Variants in GALNT9 observed in about 807,000 individuals in gnomAD.
GALNT9 encodes the protein GalNAc transferase 9.
GALNT9 carries 47 observed loss-of-function variants against 63.1 expected under a neutral mutation model. The observed-to-expected ratio is 0.75, with a 90% CI of 0.59 to 0.95. GALNT9 has a LOEUF of 0.95. Among genes scored for constraint, GALNT9 ranks in the 40% least tolerant of loss-of-function variants. The pLI, the probability that GALNT9 is intolerant of heterozygous loss-of-function variation, is 0.00. For synonymous variants in GALNT9, 396 were observed against 365.7 expected (o/e 1.08, Z -0.94); for missense variants, 829 against 874.8 (o/e 0.95, Z 0.66).
chr12:132,263,633 C>T (rs544737814), intron 2 of GALNT9, among the ~76,000 whole-genome samples: 4 of 152,304 alleles, frequency 2.6e-5, no homozygotes, highest in South Asian at 4.1e-4. Context: ...CCCCCGTGAC[C>T]GGAACGTGAG....
In GALNT9 at chr12:132,238,339, G is replaced by A. The variant is rs1293157356; in HGVS notation, c.1077+9571C>T. ...GTCACTGGCGAGGGGGACAGAGCTG[G>A]ATGGGGGGCTTCAGGAGGGGCCGGG... On this transcript the variant is annotated intron_variant, in intron 6 of 10. Transcript: ENST00000328957. This position sits in a 1 kb window ranked among gnomAD's most constrained non-coding sequence, Gnocchi z 6.5. Among the ~76,000 whole-genome samples, 2 of 152,072 alleles carry A rather than the reference G, an allele frequency of 1.3e-5. No homozygotes were observed. Among genetic ancestry groups the A allele is most frequent in the African/African-American group, 4.8e-5 (2 of 41,378 alleles).
At chr12:132,317,016 C>T (rs1369196855) in intron 1 of GALNT9, among the ~76,000 whole-genome samples, 1 of 149,450 alleles carries the variant, frequency 6.7e-6, no homozygotes, top group Non-Finnish European at 1.5e-5. Context: ...CTGCACCCTA[C>T]ACCCCACGGA....
At chr12:132,231,011 T>TC (rs1877872217) in intron 6 of GALNT9, among the ~76,000 whole-genome samples, 4 of 107,896 alleles carry the variant, frequency 3.7e-5, no homozygotes, top group Admixed American at 1.8e-4. Flanking sequence ...CAGCGTGGAG[T>TC]CCCTAGTGCC....
intron 1 of GALNT9, among the ~76,000 whole-genome samples, chr12:132,290,892 C>T (rs1880797454): frequency 2.0e-5 from 1 of 49,604 alleles, no homozygotes; most frequent in Admixed American, 2.0e-4. Context: ...CACCCACATC[C>T]ACAGCACCCA....
Position 132,329,380 on chromosome 12 carries a change from G to GT in GALNT9, c.-178dup, listed in dbSNP as rs1323138644. 390 of 954,238 alleles carry GT rather than the reference G, an allele frequency of 4.1e-4. 1 individual carries two copies. Among genetic ancestry groups the GT allele is most frequent in the South Asian group, 2.2e-3 (90 of 40,176 alleles). 59.1% of individuals were successfully genotyped at this position (954,238 alleles called of 1,614,324 possible). A position where few individuals can be genotyped will look rare whatever the true frequency, so the allele number is the denominator to read the frequency against. On this transcript the variant is annotated 5_prime_UTR_variant, in exon 1 of 11. The change abolishes the stop of an existing upstream ORF in the 5' untranslated region. Coordinates refer to ENST00000328957, the MANE Select transcript of GALNT9 (RefSeq NM_001122636.2). ...GCGCGCCGGGCCACGGCCGCCGGGG[G>GT]TCCCCCAGAGCGCAGAGGGCTGCCC...
Position 132,285,009 on chromosome 12 carries a change from C to T in GALNT9, c.419+1241G>A, listed in dbSNP as rs111590172. 9.1e-3 allele frequency among the ~76,000 whole-genome samples: 1,383 copies of T among 152,370 alleles called. 20 individuals are homozygous for T. Among genetic ancestry groups the T allele is most frequent in the African/African-American group, 0.031 (1,307 of 41,596 alleles). ...CACAAGGAATGGAATGGGGCTGAGACACGCCTTTCCTCCTCCCCTCTCTTC... is the reference window on the plus strand; with the variant it reads ...CACAAGGAATGGAATGGGGCTGAGATACGCCTTTCCTCCTCCCCTCTCTTC... On this transcript the variant is annotated intron_variant, in intron 2 of 10. Coordinates refer to ENST00000328957, the MANE Select transcript of GALNT9 (RefSeq NM_001122636.2).
At chr12:132,264,856 C>A (rs956904482) in intron 2 of GALNT9, among the ~76,000 whole-genome samples, 1 of 152,196 alleles carries the variant, frequency 6.6e-6, no homozygotes, top group African/African-American at 2.4e-5. Context: ...ATGTTCCTGA[C>A]AGGGAGCAGC....
At chr12:132,298,479 C>A (rs1593112480) in intron 1 of GALNT9, among the ~76,000 whole-genome samples, 1 of 150,832 alleles carries the variant, frequency 6.6e-6, no homozygotes, top group African/African-American at 2.4e-5. Flanking sequence ...CCCGAGATAA[C>A]CAAACCACTC....
intron 2 of GALNT9, among the ~76,000 whole-genome samples, chr12:132,263,795 G>A (rs971515179): frequency 6.6e-6 from 1 of 152,208 alleles, no homozygotes; most frequent in African/African-American, 2.4e-5. Flanking sequence ...GGCTGGGCCC[G>A]TGAAGTACTC....
intron 6 of GALNT9, chr12:132,240,429 G>A (rs112021028): frequency 8.3e-6 from 3 of 360,390 alleles, no homozygotes; most frequent in South Asian, 2.1e-5. Context: ...CTTGTTCAGC[G>A]CAGACATGGC....
chr12:132,303,162 C>T (rs1408502076), intron 1 of GALNT9, among the ~76,000 whole-genome samples: 3 of 152,098 alleles, frequency 2.0e-5, no homozygotes, highest in Non-Finnish European at 2.9e-5. Flanking sequence ...TGGCCTTCAC[C>T]CGGTAGTCCC....
chr12:132,247,224 G>A (rs920981205), intron 6 of GALNT9, among the ~76,000 whole-genome samples: 9 of 152,074 alleles, frequency 5.9e-5, no homozygotes, highest in Non-Finnish European at 8.8e-5. Context: ...GCAGAAGCCC[G>A]GCCGAGCTCA....
At chr12:132,214,943 G>A (rs895756545) in intron 6 of GALNT9, among the ~76,000 whole-genome samples, 5 of 152,240 alleles carry the variant, frequency 3.3e-5, no homozygotes, top group Admixed American at 2.0e-4. Context: ...TGTTCTACGC[G>A]GATCTGGAAG....
chr12:132,208,431 G>A (rs115132908), intron 6 of GALNT9, among the ~76,000 whole-genome samples: 4,908 of 152,320 alleles, frequency 0.032, 249 homozygotes, highest in African/African-American at 0.11. Flanking sequence ...CCACTGAGAG[G>A]GGGACGCTAT....
chr12:132,286,360 C>T lies in GALNT9; in HGVS notation c.309G>A (p.Leu103=). The change falls in exon 2 of 11, where the codon CTG becomes CTA. Residue 103 remains leucine, a synonymous_variant. Transcript: ENST00000328957. The surrounding 1 kb of genome is among the most constrained non-coding windows in gnomAD (Gnocchi z 7.4). ...GLGQGGLAAT[L]RDDGQEAEGK... ...CTTCCGCCTCCTGGCCGTCATCACG[C>T]AGGGTGGCCGCCAAGCCACCCTGGC... is the stretch of plus-strand genomic sequence containing the variant. 6.4e-7 allele frequency: 1 copy of T among 1,550,852 alleles called. No individual in the cohort carries two copies. Among genetic ancestry groups the T allele is most frequent in the Non-Finnish European group, 8.7e-7 (1 of 1,146,858 alleles).
rs868985617 is a variant in GALNT9, at chr12:132,306,813, C to T, written c.239-20383G>A. 3.9e-5 allele frequency among the ~76,000 whole-genome samples: 6 copies of T among 152,180 alleles called. No individual in the cohort carries two copies. In the East Asian group the frequency reaches 7.7e-4, roughly 20 times the overall value. On this transcript the variant is annotated intron_variant, in intron 1 of 10. Coordinates refer to ENST00000328957, the MANE Select transcript of GALNT9 (RefSeq NM_001122636.2). ...GGTAATGGAAAAGATGGCTCACTTC[C>T]GCGCACACCCGCCGCGTGCCCGTGG...
chr12:132,283,716 C>G (rs1593103506), intron 2 of GALNT9: 1 of 151,890 alleles, frequency 6.6e-6, no homozygotes, highest in Non-Finnish European at 1.5e-5. Flanking sequence ...CACGTGTTGT[C>G]ACACATGGGT....
intron 8 of GALNT9, 121 bp downstream of exon 8, chr12:132,201,003 G>T (rs999051572): frequency 4.0e-6 from 4 of 990,216 alleles, no homozygotes; most frequent in Non-Finnish European, 6.0e-6. Flanking sequence ...GGACCCTCTG[G>T]GGGAGGCGCT....
intron 6 of GALNT9, among the ~76,000 whole-genome samples, chr12:132,231,086 GAC>G: frequency 9.9e-6 from 1 of 100,942 alleles, no homozygotes; most frequent in East Asian, 2.9e-4. Flanking sequence ...TCGATGGGGC[GAC>G]AGAGGAGACA....
Sources: gnomAD v4.1 joint callset for allele counts (sites outside exome capture counted in the v4.1 genomes callset) on GRCh38, gnomAD v4.1.1 for gene constraint, Gnocchi (gnomAD v3.1) non-coding constraint, MANE v1.5 for transcripts, NCBI Gene and HGNC (gene_info 2026-07-23, HGNC 2026-07-21) for gene names.